SPIN1: variants seen among roughly 807,000 people sequenced by gnomAD.
SPIN1 encodes the protein spindlin 1.
Under a neutral mutation model 26.0 loss-of-function variants are expected in SPIN1, and 3 were observed. The observed-to-expected ratio is 0.12, with a 90% CI of 0.05 to 0.30. The LOEUF (loss-of-function observed/expected upper bound fraction) is 0.30, where lower values mean the gene tolerates loss of function less well. SPIN1 is among the 10% of genes least tolerant of loss of function. The probability of loss-of-function intolerance (pLI) is 1.00; values close to 1 mark genes in which losing one functional copy is unlikely to be tolerated. For missense variants in SPIN1, 126 were observed against 333.4 expected (o/e 0.38, Z 4.84); for synonymous variants, 101 against 116.5 (o/e 0.87, Z 0.86).
At chr9:88,446,881 TG>T (rs1564036062) in intron 2 of SPIN1, among the ~76,000 whole-genome samples, 1 of 152,256 alleles carries the variant, frequency 6.6e-6, no homozygotes, top group African/African-American at 2.4e-5. Context: ...AGAAATTTGA[TG>T]AAGAAGTGCC....
chr9:88,470,149 T>G (rs758345951), intron 5 of SPIN1, among the ~76,000 whole-genome samples: 2 of 152,248 alleles, frequency 1.3e-5, no homozygotes, highest in African/African-American at 2.4e-5. Context: ...CAGTACTTCA[T>G]TCCTTTTAAT....
rs73502140 is a variant in SPIN1 at position 88,461,977 on chromosome 9, A to G, written c.102-519A>G. ...ACTTCAGTTTAAGAGAAAATTGTCT[A>G]GTTTATTTTTATTAGTTAAGCTTGT... is the stretch of plus-strand genomic sequence containing the variant. On this transcript the variant is annotated intron_variant, in intron 3 of 5. Transcript: ENST00000375859. 9.9e-3 allele frequency among the ~76,000 whole-genome samples: 1,504 copies of G among 152,298 alleles called. 24 individuals are homozygous for G. Among genetic ancestry groups the G allele is most frequent in the African/African-American group, 0.034 (1,430 of 41,558 alleles).
rs1241563986 is a variant in SPIN1 at position 88,393,457 on chromosome 9, T to G, written c.-159+4919T>G. Reference sequence around the variant, plus strand: ...TTCTTGCTTTTGGGTTTTTTTTTTTTTTTTTTTTTTTTTTTTGAGACGGAG... The same window carrying G: ...TTCTTGCTTTTGGGTTTTTTTTTTTGTTTTTTTTTTTTTTTTGAGACGGAG... On this transcript the variant is annotated intron_variant, in intron 1 of 5. Transcript: ENST00000375859. Among the ~76,000 whole-genome samples, 900 of 122,560 alleles carry G rather than the reference T, an allele frequency of 7.3e-3. 16 individuals carry two copies. Among genetic ancestry groups the G allele is most frequent in the African/African-American group, 0.027 (845 of 30,824 alleles). The allele number at this position is 122,560 out of a possible 152,430, so 80.4% of individuals were successfully genotyped here.
intron 1 of SPIN1, among the ~76,000 whole-genome samples, chr9:88,417,511 C>T (rs1191926013): frequency 3.3e-5 from 5 of 152,068 alleles, no homozygotes; most frequent in African/African-American, 9.7e-5. Flanking sequence ...CTCACTCTGC[C>T]ACCCAGGCTG....
chr9:88,424,580 T>C (rs755894737), intron 1 of SPIN1, among the ~76,000 whole-genome samples: 2 of 152,164 alleles, frequency 1.3e-5, no homozygotes, highest in Admixed American at 6.5e-5. Context: ...TAATGCGATA[T>C]TGGAAAAACA....
rs1828913927 is a variant in SPIN1 at position 88,477,809 on chromosome 9, C to G, written c.*2532C>G. 6.6e-6 allele frequency: 1 copy of G among 152,402 alleles called. No individual in the cohort carries two copies. The highest frequency in any genetic ancestry group is 1.5e-5 in the Non-Finnish European group (1 of 68,038). 9.4% of individuals were successfully genotyped at this position (152,402 alleles called of 1,614,324 possible). A position where few individuals can be genotyped will look rare whatever the true frequency, so the allele number is the denominator to read the frequency against. On this transcript the variant is annotated 3_prime_UTR_variant, in exon 6 of 6. Coordinates refer to ENST00000375859, the MANE Select transcript of SPIN1 (RefSeq NM_006717.3). ...CTATGTATAAAATTTATCGGCCTTT[C>G]TCATTTACCTGCTCTAGTATTATTG...
intron 2 of SPIN1, among the ~76,000 whole-genome samples, chr9:88,431,288 CTCTTT>C (rs1827864838): frequency 6.7e-6 from 1 of 149,902 alleles, no homozygotes; most frequent in Non-Finnish European, 1.5e-5. Flanking sequence ...CTCTCTCTCT[CTCTTT>C]TTTTTTTTTT....
chr9:88,409,076 A>G (rs1827379829), intron 1 of SPIN1, among the ~76,000 whole-genome samples: 1 of 149,140 alleles, frequency 6.7e-6, no homozygotes, highest in South Asian at 2.1e-4. Flanking sequence ...GCTCATCGCA[A>G]CCTCCACCTC....
intron 2 of SPIN1, among the ~76,000 whole-genome samples, chr9:88,448,200 C>T (rs1009345752): frequency 1.3e-5 from 2 of 152,032 alleles, no homozygotes; most frequent in African/African-American, 2.4e-5. Context: ...TACGCCACCA[C>T]GCCTGGCTAA....
intron 1 of SPIN1, chr9:88,410,508 C>G: frequency 1.3e-6 from 1 of 781,376 alleles, no homozygotes. Flanking sequence ...TTCTCCTCTC[C>G]TGCTAAGCTT....
intron 1 of SPIN1, among the ~76,000 whole-genome samples, chr9:88,405,624 G>A (rs1235290380): frequency 7.7e-6 from 1 of 130,436 alleles, no homozygotes. Context: ...TCTCACTGCA[G>A]CCTCCGCCTC....
Position 88,475,538 on chromosome 9 carries a change from G to C in SPIN1, c.*261G>C, listed in dbSNP as rs1587820640. 3.2e-6 allele frequency: 1 copy of C among 310,674 alleles called. No homozygotes were observed. The highest frequency in any genetic ancestry group is 5.9e-5 in the East Asian group (1 of 16,902). 19.2% of individuals were successfully genotyped at this position (310,674 alleles called of 1,614,324 possible). On this transcript the variant is annotated 3_prime_UTR_variant, in exon 6 of 6. Transcript: ENST00000375859. ...GGCAAGTTTGGTAAAAGTTAAGCTA[G>C]TATCATAGTCATTTAAAATTGTAAT...
intron 1 of SPIN1, among the ~76,000 whole-genome samples, chr9:88,399,577 C>T (rs1827143346): frequency 6.6e-6 from 1 of 152,020 alleles, no homozygotes; most frequent in African/African-American, 2.4e-5. Flanking sequence ...AAGGAGAGCC[C>T]AGAGGAAGGT....
intron 2 of SPIN1, among the ~76,000 whole-genome samples, chr9:88,446,915 TG>T (rs1391620039): frequency 2.6e-5 from 4 of 152,234 alleles, no homozygotes; most frequent in Non-Finnish European, 5.9e-5. Context: ...CCTTTGTTTT[TG>T]ATCTTACTTT....
intron 1 of SPIN1, among the ~76,000 whole-genome samples, chr9:88,405,460 C>T (rs143233662): frequency 0.027 from 4,034 of 151,620 alleles, 137 homozygotes; most frequent in African/African-American, 0.088. Flanking sequence ...TACTCCTGAC[C>T]TCGTGATCCG....
chr9:88,467,544 C>T (rs944916135), intron 4 of SPIN1, among the ~76,000 whole-genome samples: 3 of 152,004 alleles, frequency 2.0e-5, no homozygotes, highest in African/African-American at 7.3e-5. Context: ...AGAGTGTGTC[C>T]TAATGGGAGA....
chr9:88,432,657 C>G (rs1340957645), intron 2 of SPIN1, among the ~76,000 whole-genome samples: 2 of 148,458 alleles, frequency 1.3e-5, no homozygotes, highest in Non-Finnish European at 3.0e-5. Context: ...CTAATTTTTT[C>G]TTTTTTCTTT....
chr9:88,400,672 C>T (rs150548738), intron 1 of SPIN1, among the ~76,000 whole-genome samples: 1 of 152,270 alleles, frequency 6.6e-6, no homozygotes, highest in African/African-American at 2.4e-5. Context: ...ATGGCGATAC[C>T]TCATCTCTAC....
In SPIN1 at chr9:88,462,763, A is replaced by T. The variant is rs1366662753; in HGVS notation, c.355+14A>T. 2.0e-5 allele frequency: 32 copies of T among 1,592,904 alleles called. No individual in the cohort carries two copies. The highest frequency in any genetic ancestry group is 2.6e-5 in the Non-Finnish European group (31 of 1,170,912). ...CTGATAGAGTTGGTAAGTTCTTTTT[A>T]TAATTTGTGCATTATATACTTTAAA... On this transcript the variant is annotated intron_variant, in intron 4 of 5. Transcript: ENST00000375859.
Sources: gnomAD v4.1 joint callset for allele counts (sites outside exome capture counted in the v4.1 genomes callset) on GRCh38, gnomAD v4.1.1 for gene constraint, MANE v1.5 for transcripts, NCBI Gene and HGNC (gene_info 2026-07-23, HGNC 2026-07-21) for gene names.